The following PTPRJ variants were observed in gnomAD, a reference collection of about 807,000 sequenced individuals.
PTPRJ encodes receptor-type tyrosine-protein phosphatase eta.
Under a neutral mutation model 141.3 loss-of-function variants are expected in PTPRJ, and 129 were observed. The ratio of observed to expected loss-of-function variants is 0.91; its 90% CI spans 0.79 to 1.06. The LOEUF is 1.06. PTPRJ is among the 50% of genes least tolerant of loss of function. The pLI is 0.00. For missense variants in PTPRJ, 1,601 were observed against 1,679.7 expected, an observed-to-expected ratio of 0.95 and a Z score of 0.82; for synonymous variants, 610 against 640.5, an observed-to-expected ratio of 0.95 and a Z score of 0.72.
intron 4 of PTPRJ, among the ~76,000 whole-genome samples, chr11:48,123,389 G>A (rs767294016): frequency 2.2e-4 from 34 of 152,176 alleles, no homozygotes; most frequent in Non-Finnish European, 4.7e-4. Flanking sequence ...CTTCTCTTCC[G>A]TGTTATTATT....
At chr11:48,009,812 C>T (rs1373861108) in intron 1 of PTPRJ, among the ~76,000 whole-genome samples, 2 of 152,210 alleles carry the variant, frequency 1.3e-5, no homozygotes, top group African/African-American at 4.8e-5. Context: ...TACCTTATCT[C>T]TTTGGGTTGT....
At chr11:47,985,754 G>T (rs1854033525) in intron 1 of PTPRJ, among the ~76,000 whole-genome samples, 1 of 152,068 alleles carries the variant, frequency 6.6e-6, no homozygotes, top group Non-Finnish European at 1.5e-5. Flanking sequence ...GGGCTGGAGT[G>T]CTGTGGCACG....
intron 8 of PTPRJ, among the ~76,000 whole-genome samples, chr11:48,133,632 A>G (rs1403669732): frequency 6.6e-6 from 1 of 152,256 alleles, no homozygotes; most frequent in African/African-American, 2.4e-5. Flanking sequence ...AATTGAAAAC[A>G]GGCCCCTGGA....
At chr11:48,084,349 A>G (rs1209216535) in intron 1 of PTPRJ, among the ~76,000 whole-genome samples, 3 of 151,906 alleles carry the variant, frequency 2.0e-5, no homozygotes, top group Non-Finnish European at 4.4e-5. Flanking sequence ...ACACCCTACT[A>G]ATTTTTGTAT....
At chr11:48,036,447 G>T (rs1460957849) in intron 1 of PTPRJ, among the ~76,000 whole-genome samples, 2 of 152,076 alleles carry the variant, frequency 1.3e-5, no homozygotes, top group Non-Finnish European at 2.9e-5. Flanking sequence ...CATGTCACTG[G>T]TATCAGGTTT....
At chr11:48,061,872 C>T (rs1433936675) in intron 1 of PTPRJ, among the ~76,000 whole-genome samples, 1 of 149,996 alleles carries the variant, frequency 6.7e-6, no homozygotes, top group African/African-American at 2.4e-5. Flanking sequence ...GTCTTCTCAT[C>T]TCTGTAAAAT....
At chr11:47,989,033 G>A (rs1259851287) in intron 1 of PTPRJ, among the ~76,000 whole-genome samples, 1 of 150,836 alleles carries the variant, frequency 6.6e-6, no homozygotes, top group East Asian at 2.0e-4. Context: ...ACAGGCGCCC[G>A]CCACCAAGCC....
chr11:48,149,651 A>G, intron 16 of PTPRJ, 163 bp downstream of exon 16: 2 of 562,518 alleles, frequency 3.6e-6, no homozygotes, highest in Non-Finnish European at 6.1e-6. Flanking sequence ...CAAGGAATCT[A>G]TGTTTTATTA....
chr11:48,064,612 T>A (rs1466229842), intron 1 of PTPRJ, among the ~76,000 whole-genome samples: 2 of 152,090 alleles, frequency 1.3e-5, no homozygotes, highest in African/African-American at 4.8e-5. Flanking sequence ...TTTATTTATT[T>A]ATTTATTTAG....
chr11:48,047,498 A>ATTTTTTTTTTTT (rs58387057), intron 1 of PTPRJ, among the ~76,000 whole-genome samples: 2 of 146,616 alleles, frequency 1.4e-5, no homozygotes, highest in Non-Finnish European at 3.0e-5. Flanking sequence ...ACCTATGGTA[A>ATTTTTTTTTTTT]TTTTTTTTTT....
At position 48,127,819 on chromosome 11, in the gene PTPRJ, G is replaced by T. The variant is rs771974105; in HGVS notation, c.1133G>T (p.Ser378Ile). 3.7e-6 allele frequency: 6 copies of T among 1,614,050 alleles called. No individual in the cohort carries two copies. The Admixed American group carries it at 6.7e-5, about 18-fold the overall frequency. Residue 378 changes from serine to isoleucine, a missense_variant, in exon 7 of 25, where the codon AGT becomes ATT. By Grantham distance (142) the Ser-to-Ile change is moderately radical. Coordinates refer to ENST00000418331, the MANE Select transcript of PTPRJ (RefSeq NM_002843.4). ...TTTGACGTCACCGCTGTGAACATCA[G>T]TGCCACAAGCCTGACCCTGATCTGG... ...QVFDVTAVNI[S>I]ATSLTLIWKV...
rs1363506054 is a variant in PTPRJ, at chr11:48,168,002, C to T, written c.*640C>T. 4 of 152,148 alleles carry T rather than the reference C, an allele frequency of 2.6e-5. No individual in the cohort carries two copies. The highest frequency in any genetic ancestry group is 2.9e-5 in the Non-Finnish European group (2 of 68,042). The allele number at this position is 152,148 out of a possible 1,614,324, so 9.4% of individuals were successfully genotyped here. A position where few individuals can be genotyped will look rare whatever the true frequency, so the allele number is the denominator to read the frequency against. On this transcript the variant is annotated 3_prime_UTR_variant, in exon 25 of 25. Transcript: ENST00000418331. ...TAGCTTAGCATCAGAGGTTTGCTTC[C>T]TCAGTAACATTTCTGTTCTCATTTG...
Position 48,136,049 on chromosome 11 carries a change from A to G in PTPRJ, c.1626A>G (p.Ala542=). 3 of 1,613,970 alleles carry G rather than the reference A, an allele frequency of 1.9e-6. No individual in the cohort carries two copies. Among genetic ancestry groups the G allele is most frequent in the Non-Finnish European group, 2.5e-6 (3 of 1,179,908 alleles). The change falls in exon 9 of 25, where the codon GCA becomes GCG. Residue 542 remains alanine, a synonymous_variant. Coordinates refer to ENST00000418331, the MANE Select transcript of PTPRJ (RefSeq NM_002843.4). ...CTTTCTTCTGAGCAGTTCCCAGTGC[A>G]GTGTTTGACATCCACGTGGTCTACG... ...RTVCNRTVPS[A]VFDIHVVYVT... is the part of the protein sequence containing the mutation.
chr11:48,156,800 T>C (rs546643943), intron 21 of PTPRJ, among the ~76,000 whole-genome samples: 52 of 152,148 alleles, frequency 3.4e-4, no homozygotes, highest in African/African-American at 1.1e-3. Flanking sequence ...TTGCCCAGGC[T>C]GGTGTCAAAC....
chr11:48,121,077 G>A lies in PTPRJ; in HGVS notation c.427G>A (p.Asp143Asn), dbSNP rs1307848294. 4 of 1,613,624 alleles carry A rather than the reference G, an allele frequency of 2.5e-6. No individual in the cohort carries two copies. ...TNVILTWKSN[D>N]TAASEYKYVV... is the part of the protein sequence containing the mutation. ...TGTGATCTTAACTTGGAAAAGTAAT[G>A]ACACAGCTGCTTCTGAGTACAAGTA... The change falls in exon 4 of 25, where the codon GAC (aspartate) becomes AAC (asparagine). Residue 143 changes from aspartate to asparagine, a missense_variant. Physicochemically the swap from Asp to Asn is conservative, Grantham distance 23. Coordinates refer to ENST00000418331, the MANE Select transcript of PTPRJ (RefSeq NM_002843.4).
At chr11:48,102,708 C>T (rs1473351333) in intron 1 of PTPRJ, among the ~76,000 whole-genome samples, 2 of 152,078 alleles carry the variant, frequency 1.3e-5, no homozygotes, top group East Asian at 3.9e-4. Flanking sequence ...TGAGCCACTG[C>T]ACCTGGCTTC....
At chr11:48,108,089 A>C (rs1170961053) in intron 1 of PTPRJ, among the ~76,000 whole-genome samples, 1 of 152,186 alleles carries the variant, frequency 6.6e-6, no homozygotes, top group African/African-American at 2.4e-5. Flanking sequence ...CTCTTAAGAA[A>C]AAAGTTATTC....
intron 1 of PTPRJ, among the ~76,000 whole-genome samples, chr11:47,995,396 T>G (rs1292317618): frequency 6.6e-6 from 1 of 151,900 alleles, no homozygotes; most frequent in East Asian, 1.9e-4. Flanking sequence ...AATGGGAGGG[T>G]CTACATAGGA....
At chr11:48,119,682 G>T (rs1856657477) in intron 3 of PTPRJ, among the ~76,000 whole-genome samples, 1 of 152,206 alleles carries the variant, frequency 6.6e-6, no homozygotes, top group Non-Finnish European at 1.5e-5. Context: ...GGGATTACAG[G>T]CATGAGCCAG....
Sources: gnomAD v4.1 joint callset for allele counts (sites outside exome capture counted in the v4.1 genomes callset) on GRCh38, gnomAD v4.1.1 for gene constraint, MANE v1.5 for transcripts, NCBI Gene and HGNC (gene_info 2026-07-23, HGNC 2026-07-21) for gene names.